Variants in TMEM132C observed in about 807,000 individuals in gnomAD.
The protein encoded by TMEM132C is transmembrane protein 132C.
Under a neutral mutation model 61.4 loss-of-function variants are expected in TMEM132C, and 29 were observed. That is an observed-to-expected ratio of 0.47 (90% CI 0.35 to 0.64). TMEM132C has a LOEUF of 0.64. TMEM132C is among the 30% of genes least tolerant of loss of function. The pLI is 0.00. For synonymous variants in TMEM132C, 656 were observed against 633.1 expected (o/e 1.04, Z -0.54); for missense variants, 1,408 against 1,476.9 (o/e 0.95, Z 0.76).
intron 1 of TMEM132C, among the ~76,000 whole-genome samples, chr12:128,324,085 G>A (rs750100843): frequency 3.9e-5 from 6 of 152,288 alleles, no homozygotes; most frequent in East Asian, 1.9e-4. Flanking sequence ...ATTTGTGGAC[G>A]TGTGATCTGC....
chr12:128,347,297 A>G (rs1350681401), intron 1 of TMEM132C, among the ~76,000 whole-genome samples: 1 of 152,162 alleles, frequency 6.6e-6, no homozygotes, highest in Non-Finnish European at 1.5e-5. Context: ...TGGTGTGTAT[A>G]TACCACATTT....
At chr12:128,648,210 G>A (rs1954230063) in intron 4 of TMEM132C, among the ~76,000 whole-genome samples, 1 of 150,670 alleles carries the variant, frequency 6.6e-6, no homozygotes, top group African/African-American at 2.4e-5. Flanking sequence ...AGCGTTGGAT[G>A]TGAGTGTGTT....
intron 1 of TMEM132C, among the ~76,000 whole-genome samples, chr12:128,276,243 T>C (rs561821697): frequency 2.6e-4 from 39 of 152,232 alleles, no homozygotes; most frequent in Non-Finnish European, 2.9e-4. Context: ...TCATTATTTG[T>C]ATTATTAAAG....
intron 4 of TMEM132C, among the ~76,000 whole-genome samples, chr12:128,662,949 A>G (rs996406116): frequency 6.6e-6 from 1 of 152,152 alleles, no homozygotes; most frequent in Non-Finnish European, 1.5e-5. Context: ...TCCCATGTCC[A>G]GGGTCAGTCA....
At chr12:128,697,483 G>T in intron 8 of TMEM132C, 68 bp downstream of exon 8, 2 of 1,424,306 alleles carry the variant, frequency 1.4e-6, no homozygotes, top group Non-Finnish European at 1.9e-6. Context: ...CAGCAAAGGG[G>T]CAGGGTGGAG....
chr12:128,339,678 A>G (rs1196360892), intron 1 of TMEM132C, among the ~76,000 whole-genome samples: 2 of 105,630 alleles, frequency 1.9e-5, no homozygotes, highest in East Asian at 2.3e-4. Context: ...CACCAGTACT[A>G]AAAAAAAAAA....
At chr12:128,556,962 C>T (rs186059512) in intron 3 of TMEM132C, among the ~76,000 whole-genome samples, 40 of 152,312 alleles carry the variant, frequency 2.6e-4, no homozygotes, top group Admixed American at 1.6e-3. Flanking sequence ...TATACCACTA[C>T]GTTTTGGGGT....
intron 3 of TMEM132C, among the ~76,000 whole-genome samples, chr12:128,574,888 A>T (rs1394464774): frequency 6.6e-6 from 1 of 152,064 alleles, no homozygotes; most frequent in African/African-American, 2.4e-5. Context: ...ACATATTTCC[A>T]TTATCTGACT....
At position 128,378,123 on chromosome 12, in the gene TMEM132C, T is replaced by G. The variant is rs1451676957; in HGVS notation, c.86-36609T>G. Among the ~76,000 whole-genome samples the G allele has an allele frequency of 6.7e-4, 10 of 14,934 alleles. No homozygotes were observed. In the Admixed American group the frequency reaches 0.017, roughly 25 times the overall value. 9.8% of individuals were successfully genotyped at this position (14,934 alleles called of 152,430 possible). On this transcript the variant is annotated intron_variant, in intron 1 of 8. Transcript: ENST00000435159. ...AAAATAGAGCAGTTTTTTTTTGTTT[T>G]TTTTTTTTTGACATGGAGTCTCGCT...
At position 128,276,217 on chromosome 12, in the gene TMEM132C, C is replaced by T. The variant is rs1193387; in HGVS notation, c.85+8730C>T. Among the ~76,000 whole-genome samples, 825 of 152,138 alleles carry T rather than the reference C, an allele frequency of 5.4e-3. 1 individual carries two copies. Among genetic ancestry groups the T allele is most frequent in the African/African-American group, 0.018 (766 of 41,512 alleles). ...GTAAGACTTGGCATATAGTAAAGTT[C>T]AATAAATCAGGGCCATCATTATTTG... On this transcript the variant is annotated intron_variant, in intron 1 of 8. Transcript: ENST00000435159.
At chr12:128,342,467 C>T (rs1873007076) in intron 1 of TMEM132C, among the ~76,000 whole-genome samples, 1 of 152,258 alleles carries the variant, frequency 6.6e-6, no homozygotes, top group Non-Finnish European at 1.5e-5. Flanking sequence ...AGAAAATCTT[C>T]CAAACCTGTT....
In TMEM132C at chr12:128,705,509, G is replaced by A. The variant is rs1043956913; in HGVS notation, c.2541G>A (p.Glu847=). The part of the protein sequence containing the change: ...DGHLYGSSPV[E]REEGALRRAT... ...ACCTCTATGGCAGCTCTCCCGTGGA[G>A]CGTGAGGAAGGGGCTCTCCGAAGAG... is the stretch of plus-strand genomic sequence containing the variant. Residue 847 remains glutamate (E), a synonymous_variant, in exon 9 of 9, where the codon GAG becomes GAA. Transcript: ENST00000435159. 1.9e-6 allele frequency: 3 copies of A among 1,550,986 alleles called. No individual in the cohort carries two copies. Among genetic ancestry groups the A allele is most frequent in the Non-Finnish European group, 2.6e-6 (3 of 1,146,974 alleles).
At position 128,655,138 on chromosome 12, in the gene TMEM132C, G is replaced by A. The variant is rs1038885814; in HGVS notation, c.1306-14279G>A. 5.3e-5 allele frequency among the ~76,000 whole-genome samples: 8 copies of A among 152,296 alleles called. No individual in the cohort carries two copies. The East Asian group carries it at 7.7e-4, about 15-fold the overall frequency. Reference sequence around the variant, plus strand: ...TGGGGTTCATTAGGAAGTGGGAGCCGGGAGGCAGCGTGGTCAGGTAACGTG... The same window carrying A: ...TGGGGTTCATTAGGAAGTGGGAGCCAGGAGGCAGCGTGGTCAGGTAACGTG... On this transcript the variant is annotated intron_variant, in intron 4 of 8. Transcript: ENST00000435159.
intron 1 of TMEM132C, among the ~76,000 whole-genome samples, chr12:128,343,819 A>G (rs1873058622): frequency 6.6e-6 from 1 of 152,188 alleles, no homozygotes; most frequent in South Asian, 2.1e-4. Context: ...GGATTTGCCT[A>G]TTTGGGACAT....
At chr12:128,516,057 AG>A (rs1452647853) in intron 2 of TMEM132C, among the ~76,000 whole-genome samples, 1 of 152,176 alleles carries the variant, frequency 6.6e-6, no homozygotes, top group Non-Finnish European at 1.5e-5. Context: ...GTTTCCATTC[AG>A]AAGGAAGGAG....
chr12:128,500,193 C>T (rs1234910903), intron 2 of TMEM132C, among the ~76,000 whole-genome samples: 2 of 152,148 alleles, frequency 1.3e-5, no homozygotes, highest in East Asian at 3.9e-4. Context: ...TTCATGCCAT[C>T]CACAAAAATT....
chr12:128,419,189 C>T (rs75166074), intron 2 of TMEM132C, among the ~76,000 whole-genome samples: 11 of 152,324 alleles, frequency 7.2e-5, no homozygotes, highest in Admixed American at 3.9e-4. Flanking sequence ...CAAGACTGCA[C>T]GCCCTTCTTT....
intron 6 of TMEM132C, among the ~76,000 whole-genome samples, chr12:128,695,488 AC>A (rs1250682379): frequency 2.0e-5 from 3 of 152,150 alleles, no homozygotes; most frequent in African/African-American, 7.2e-5. Flanking sequence ...GGACCACTGC[AC>A]TTTAGCCTGG....
chr12:128,686,041 G>A (rs111518687), intron 5 of TMEM132C, among the ~76,000 whole-genome samples: 34 of 103,116 alleles, frequency 3.3e-4, no homozygotes, highest in African/African-American at 7.9e-4. Context: ...GTGTGTATTC[G>A]CGCGTGTGTG....
Sources: gnomAD v4.1 joint callset for allele counts (sites outside exome capture counted in the v4.1 genomes callset) on GRCh38, gnomAD v4.1.1 for gene constraint, MANE v1.5 for transcripts, NCBI Gene and HGNC (gene_info 2026-07-23, HGNC 2026-07-21) for gene names.